FBXO34: variants seen among roughly 807,000 people sequenced by gnomAD.
The protein encoded by FBXO34 is F-box protein 34.
Under a neutral mutation model 24.5 loss-of-function variants are expected in FBXO34, and 12 were observed. The ratio of observed to expected loss-of-function variants is 0.49; its 90% CI spans 0.31 to 0.79. FBXO34 has a LOEUF of 0.79. FBXO34 is among the 30% of genes least tolerant of loss of function. The pLI is 0.04. For missense variants in FBXO34, 823 were observed against 857.7 expected, an observed-to-expected ratio of 0.96 and a Z score of 0.51; for synonymous variants, 320 against 311.9, an observed-to-expected ratio of 1.03 and a Z score of -0.27.
intron 1 of FBXO34, among the ~76,000 whole-genome samples, chr14:55,323,218 A>AAAAAAT (rs1566555819): frequency 7.6e-4 from 24 of 31,610 alleles, no homozygotes; most frequent in East Asian, 2.4e-3. Context: ...AAAAAAAAAA[A>AAAAAAT]ATATATATTT....
chr14:55,330,227 G>GT (rs998865498), intron 1 of FBXO34, among the ~76,000 whole-genome samples: 197 of 151,972 alleles, frequency 1.3e-3, no homozygotes, highest in African/African-American at 4.4e-3. Context: ...TCCCTTTTAA[G>GT]TTTTTTTTGT....
the FBXO34 span, chr14:55,413,715 A>T: frequency 3.4e-6 from 1 of 293,334 alleles, no homozygotes; most frequent in Non-Finnish European, 6.7e-6. Context: ...CGTTTCAGGA[A>T]ACTTACTTGG....
At chr14:55,317,340 C>A (rs1355185573) in intron 1 of FBXO34, among the ~76,000 whole-genome samples, 1 of 152,000 alleles carries the variant, frequency 6.6e-6, no homozygotes, top group Non-Finnish European at 1.5e-5. Context: ...ATTAGCCAGG[C>A]GAGGTCGTGC....
At chr14:55,435,980 T>A in the FBXO34 span, 30 of 863,458 alleles carry the variant, frequency 3.5e-5, no homozygotes, top group South Asian at 7.6e-5. Context: ...ATATAAAGAG[T>A]AAAAAAAAAA....
chr14:55,404,791 C>T, the FBXO34 span, among the ~76,000 whole-genome samples: 1 of 152,136 alleles, frequency 6.6e-6, no homozygotes, highest in East Asian at 1.9e-4. Context: ...GTTATACACA[C>T]ACATGCAGAG....
At chr14:55,380,274 A>T in the FBXO34 span, among the ~76,000 whole-genome samples, 1 of 151,914 alleles carries the variant, frequency 6.6e-6, no homozygotes, top group Non-Finnish European at 1.5e-5. Flanking sequence ...CAACAACAAC[A>T]AATCAAAGAA....
At chr14:55,344,487 C>CAG (rs1884093851) in intron 1 of FBXO34, among the ~76,000 whole-genome samples, 2 of 152,018 alleles carry the variant, frequency 1.3e-5, no homozygotes, top group South Asian at 4.2e-4. Context: ...GTCATTTCGC[C>CAG]TCCTGGATAT....
In FBXO34 at chr14:55,351,818, C is replaced by G. The variant is rs1225998853; in HGVS notation, c.1428C>G (p.Asp476Glu). ...DQPSILNSCE[D>E]PVPGMLFFLP... The stretch of plus-strand genomic sequence containing the variant: ...CTTCCATTTTAAACTCCTGTGAAGA[C>G]CCAGTTCCAGGGATGTTGTTTTTTT... Residue 476 changes from aspartate to glutamate, a missense_variant, in exon 2 of 2, where the codon GAC becomes GAG. Around this residue, in one of 2 missense-constraint regions of FBXO34, gnomAD observed 693 missense variants for 659.1 expected, o/e 1.05. Coordinates refer to ENST00000313833, the MANE Select transcript of FBXO34 (RefSeq NM_017943.4). The G allele has an allele frequency of 6.2e-7, 1 of 1,614,042 alleles. No homozygotes were observed. The highest frequency in any genetic ancestry group is 2.2e-5 in the East Asian group (1 of 44,900).
At chr14:55,383,566 A>C in the FBXO34 span, among the ~76,000 whole-genome samples, 2 of 151,792 alleles carry the variant, frequency 1.3e-5, no homozygotes, top group Non-Finnish European at 2.9e-5. Flanking sequence ...AACACAAAAA[A>C]ACAAAACAAC....
At chr14:55,306,125 T>A (rs1393346054) in intron 1 of FBXO34, among the ~76,000 whole-genome samples, 2 of 152,256 alleles carry the variant, frequency 1.3e-5, no homozygotes, top group African/African-American at 4.8e-5. Flanking sequence ...ATGCTCAGTT[T>A]GAGTTTGTAG....
downstream of FBXO34, chr14:55,369,884 A>G: frequency 6.2e-7 from 1 of 1,614,052 alleles, no homozygotes; most frequent in African/African-American, 1.3e-5. Context: ...CACAAATTCC[A>G]TGGACTCCTC....
At chr14:55,369,737 G>A (rs940692566), downstream of FBXO34, 7 of 1,613,914 alleles carry the variant, frequency 4.3e-6, no homozygotes, top group Non-Finnish European at 5.9e-6. Context: ...CTGACTCTGG[G>A]AGACTTCCAC....
chr14:55,381,914 C>T, the FBXO34 span: 2 of 1,512,194 alleles, frequency 1.3e-6, no homozygotes, highest in Admixed American at 1.7e-5. Flanking sequence ...TCAATTTTAC[C>T]TATAACTCTC....
At chr14:55,357,861 A>T (rs1286347700), downstream of FBXO34, among the ~76,000 whole-genome samples, 4 of 152,228 alleles carry the variant, frequency 2.6e-5, no homozygotes, top group African/African-American at 9.6e-5. Flanking sequence ...GTTAAATAAA[A>T]AATAAAAAAT....
Position 55,351,093 on chromosome 14 carries a change from A to G in FBXO34, c.703A>G (p.Ile235Val), listed in dbSNP as rs142017596. ...CSKNCTNSPA[I>V]VRFSGQSRGV... ...AAAAAACTGCACAAACTCACCTGCA[A>G]TTGTGAGGTTTTCTGGCCAATCCAG... Residue 235 changes from isoleucine (I) to valine (V), a missense_variant, in exon 2 of 2, where the codon ATT (isoleucine) becomes GTT (valine). Coordinates refer to ENST00000313833, the MANE Select transcript of FBXO34 (RefSeq NM_017943.4). 5.6e-6 allele frequency: 9 copies of G among 1,614,166 alleles called. No individual in the cohort carries two copies. Among genetic ancestry groups the G allele is most frequent in the South Asian group, 1.1e-5 (1 of 91,078 alleles).
downstream of FBXO34, among the ~76,000 whole-genome samples, chr14:55,365,391 A>T (rs1224345753): frequency 6.6e-6 from 1 of 151,992 alleles, no homozygotes; most frequent in Non-Finnish European, 1.5e-5. Context: ...TCAACTATCT[A>T]AGCACTGGAA....
chr14:55,380,532 G>A, the FBXO34 span: 22 of 1,291,530 alleles, frequency 1.7e-5, no homozygotes, highest in Non-Finnish European at 2.3e-5. Flanking sequence ...AAACTTGAAA[G>A]AGCCATGATA....
intron 1 of FBXO34, among the ~76,000 whole-genome samples, chr14:55,336,297 T>C (rs1039303770): frequency 1.1e-4 from 17 of 152,184 alleles, no homozygotes; most frequent in Non-Finnish European, 2.2e-4. Context: ...CAGTAATGGG[T>C]GTAGAATAGG....
At chr14:55,439,899 C>T in the FBXO34 span, among the ~76,000 whole-genome samples, 2 of 132,470 alleles carry the variant, frequency 1.5e-5, no homozygotes, top group Non-Finnish European at 1.5e-5. Flanking sequence ...CCACTGCACT[C>T]CAGCCTGGGT....
Sources: allele counts gnomAD v4.1 joint callset (sites outside exome capture counted in the v4.1 genomes callset), GRCh38; gene constraint gnomAD v4.1.1; regional missense constraint gnomAD v4.1.1; transcripts MANE v1.5; gene names NCBI Gene and HGNC (gene_info 2026-07-23, HGNC 2026-07-21).